The following PIK3CB variants were observed in gnomAD, a reference collection of about 807,000 sequenced individuals.
PIK3CB encodes phosphatidylinositol 4,5-bisphosphate 3-kinase catalytic subunit beta isoform.
A neutral mutation model predicts 136.8 loss-of-function variants in PIK3CB; 39 were observed. The observed-to-expected ratio is 0.29, with a 90% confidence interval of 0.22 to 0.37. PIK3CB has a LOEUF of 0.37. PIK3CB is among the 10% of genes least tolerant of loss of function. The pLI, the probability that PIK3CB is intolerant of heterozygous loss-of-function variation, is 1.00. For missense variants in PIK3CB, 868 were observed against 1,275.4 expected (o/e 0.68, Z 4.87); for synonymous variants, 428 against 436.6 (o/e 0.98, Z 0.25).
intron 19 of PIK3CB, among the ~76,000 whole-genome samples, chr3:138,670,033 G>C (rs2043501774): frequency 6.6e-6 from 1 of 152,182 alleles, no homozygotes; most frequent in Non-Finnish European, 1.5e-5. Flanking sequence ...AGTCAGCAAA[G>C]ATCTCACTGG....
chr3:138,654,161 C>T lies in PIK3CB; in HGVS notation c.*1228G>A, dbSNP rs894547108. The stretch of plus-strand genomic sequence containing the variant: ...TACTCAGTTCTCTTTCCCATATCAC[C>T]GAGGATTGAGAGCTCCCAATATTCT... On this transcript the variant is annotated 3_prime_UTR_variant, in exon 24 of 24. Transcript: ENST00000674063. 4 of 206,972 alleles carry T rather than the reference C, an allele frequency of 1.9e-5. No individual in the cohort carries two copies. Among genetic ancestry groups the T allele is most frequent in the Admixed American group, 1.2e-4 (2 of 16,846 alleles). The allele number at this position is 206,972 out of a possible 1,614,324, so 12.8% of individuals were successfully genotyped here.
intron 8 of PIK3CB, among the ~76,000 whole-genome samples, chr3:138,727,097 G>A (rs930614846): frequency 1.3e-5 from 2 of 151,990 alleles, no homozygotes; most frequent in Non-Finnish European, 2.9e-5. Context: ...AGGAAAGATT[G>A]ATCAGGAAGC....
At chr3:138,828,262 T>C (rs1272894538) in intron 1 of PIK3CB, among the ~76,000 whole-genome samples, 2 of 147,074 alleles carry the variant, frequency 1.4e-5, no homozygotes, top group Non-Finnish European at 3.0e-5. Flanking sequence ...CTCGGCTCAC[T>C]GCAAGCTCCG....
intron 1 of PIK3CB, among the ~76,000 whole-genome samples, chr3:138,797,404 G>A (rs2046120793): frequency 1.3e-5 from 2 of 152,246 alleles, no homozygotes; most frequent in South Asian, 4.1e-4. Flanking sequence ...TAAATGAGGG[G>A]TCCTGCGTGA....
chr3:138,729,984 C>T (rs1447219921), intron 8 of PIK3CB, among the ~76,000 whole-genome samples: 1 of 152,134 alleles, frequency 6.6e-6, no homozygotes, highest in Non-Finnish European at 1.5e-5. Flanking sequence ...AGATGTAAAG[C>T]TGCCACCTTT....
At chr3:138,786,454 C>G (rs1296732350) in intron 2 of PIK3CB, among the ~76,000 whole-genome samples, 1 of 151,976 alleles carries the variant, frequency 6.6e-6, no homozygotes, top group Non-Finnish European at 1.5e-5. Flanking sequence ...CTCCCAGGTT[C>G]AAGCCTCAGC....
chr3:138,733,517 G>T, intron 7 of PIK3CB, 79 bp from the exon 8 acceptor site: 1 of 685,726 alleles, frequency 1.5e-6, no homozygotes, highest in Non-Finnish European at 2.5e-6. Context: ...ATTGTCATCA[G>T]TTCTAATGTC....
chr3:138,759,038 A>T, intron 3 of PIK3CB, 135 bp downstream of exon 3: 1 of 514,528 alleles, frequency 1.9e-6, no homozygotes. Flanking sequence ...ACATAAACTA[A>T]TTTTTCTTAA....
In PIK3CB at chr3:138,759,214, A is replaced by G. The variant is rs778448578; in HGVS notation, c.130T>C (p.Leu44=). ...ATGGTAGCTTCCCGAGGTACCTCCA[A>G]CTGGATATAAATCCCAGTGGGCAAA... The part of the protein sequence containing the change: ...FLLPTGIYIQ[L]EVPREATISY... The change falls in exon 3 of 24, where the codon TTG becomes CTG. Residue 44 remains leucine, a synonymous_variant. Transcript: ENST00000674063. 4.3e-6 allele frequency: 7 copies of G among 1,611,854 alleles called. No individual in the cohort carries two copies. The highest frequency in any genetic ancestry group is 1.7e-5 in the Admixed American group (1 of 59,992).
intron 1 of PIK3CB, among the ~76,000 whole-genome samples, chr3:138,821,785 AAAAAAT>A (rs1169101005): frequency 2.6e-5 from 4 of 152,066 alleles, no homozygotes; most frequent in African/African-American, 9.7e-5. Context: ...ACTCCATTTC[AAAAAAT>A]AAAAATAAAA....
intron 14 of PIK3CB, among the ~76,000 whole-genome samples, chr3:138,693,130 T>C (rs1441251364): frequency 6.6e-6 from 1 of 152,216 alleles, no homozygotes; most frequent in Non-Finnish European, 1.5e-5. Context: ...GGTCTCACTC[T>C]GTCACCCAGG....
intron 8 of PIK3CB, among the ~76,000 whole-genome samples, chr3:138,720,594 A>G (rs149796534): frequency 4.6e-5 from 7 of 152,228 alleles, no homozygotes; most frequent in African/African-American, 1.7e-4. Flanking sequence ...AGGCTGGGTG[A>G]GGTGGCTTAC....
chr3:138,757,831 A>G (rs1044905694), intron 3 of PIK3CB, among the ~76,000 whole-genome samples: 1 of 152,200 alleles, frequency 6.6e-6, no homozygotes, highest in African/African-American at 2.4e-5. Context: ...TGGTGCAGCC[A>G]CTGTGGAAAA....
At chr3:138,798,464 G>A (rs1368611939) in intron 1 of PIK3CB, among the ~76,000 whole-genome samples, 1 of 152,098 alleles carries the variant, frequency 6.6e-6, no homozygotes, top group Non-Finnish European at 1.5e-5. Flanking sequence ...TGCCTGGCCA[G>A]GAATCTGTAT....
At position 138,815,827 on chromosome 3, in the gene PIK3CB, C is replaced by G. The variant is rs565965165; in HGVS notation, c.-122+18868G>C. Among the ~76,000 whole-genome samples the G allele has an allele frequency of 5.3e-4, 81 of 152,290 alleles. 1 individual carries two copies. The highest frequency in any genetic ancestry group is 1.0e-3 in the Non-Finnish European group (69 of 68,026). ...TGACATCCACAGGGAATCCTGAAAC[C>G]AATCCTTCACAGATACCAAGGGATA... On this transcript the variant is annotated intron_variant, in intron 1 of 23. Transcript: ENST00000674063.
At position 138,752,792 on chromosome 3, in the gene PIK3CB, T is replaced by C. The variant is rs750935266; in HGVS notation, c.397+2962A>G. ...TGCTATGGTAGGATAAAAGGTAAGGTTGCCAGGTTAAAAAAAAACAGTATG... is the reference window on the plus strand; with the variant it reads ...TGCTATGGTAGGATAAAAGGTAAGGCTGCCAGGTTAAAAAAAAACAGTATG... On this transcript the variant is annotated intron_variant, in intron 4 of 23. Coordinates refer to ENST00000674063, the MANE Select transcript of PIK3CB (RefSeq NM_006219.3). 1.8e-4 allele frequency among the ~76,000 whole-genome samples: 28 copies of C among 152,218 alleles called. No individual in the cohort carries two copies. The Middle Eastern group carries it at 0.014, about 74-fold the overall frequency.
chr3:138,722,693 CA>C lies in PIK3CB; in HGVS notation c.1051-7975del, dbSNP rs1381701799. The stretch of plus-strand genomic sequence containing the variant: ...TTAGGGATGAGCTGCTATAAAAGCT[CA>C]AAAAAAAAAAACCCAAAAAACCCTG... On this transcript the variant is annotated intron_variant, in intron 8 of 23. Transcript: ENST00000674063. 2.4e-3 allele frequency among the ~76,000 whole-genome samples: 250 copies of C among 103,594 alleles called. 1 individual carries two copies. The highest frequency in any genetic ancestry group is 3.3e-3 in the Admixed American group (33 of 9,856). 68.0% of individuals were successfully genotyped at this position (103,594 alleles called of 152,430 possible).
intron 16 of PIK3CB, among the ~76,000 whole-genome samples, chr3:138,685,326 G>A (rs1270772982): frequency 6.8e-6 from 1 of 146,022 alleles, no homozygotes; most frequent in African/African-American, 2.5e-5. Flanking sequence ...CCTTGGAGGT[G>A]GAGGTTGCAG....
At chr3:138,718,514 G>A (rs529193200) in intron 8 of PIK3CB, among the ~76,000 whole-genome samples, 4 of 152,150 alleles carry the variant, frequency 2.6e-5, no homozygotes, top group South Asian at 4.1e-4. Context: ...AAGCTCTTAC[G>A]TTTAGTTAAA....
Sources: allele counts gnomAD v4.1 joint callset (sites outside exome capture counted in the v4.1 genomes callset), GRCh38; gene constraint gnomAD v4.1.1; transcripts MANE v1.5; gene names NCBI Gene and HGNC (gene_info 2026-07-23, HGNC 2026-07-21).